Variants in IQGAP2 observed in about 807,000 individuals in gnomAD.
The protein encoded by IQGAP2 is ras GTPase-activating-like protein IQGAP2.
IQGAP2 carries 173 observed loss-of-function variants against 201.3 expected under a neutral mutation model. The observed-to-expected ratio is 0.86, with a 90% confidence interval of 0.76 to 0.98. The LOEUF (loss-of-function observed/expected upper bound fraction) is 0.98, where lower values mean the gene tolerates loss of function less well. Among genes scored for constraint, IQGAP2 ranks in the 50% least tolerant of loss-of-function variants. IQGAP2 has a pLI of 0.00. For missense variants in IQGAP2, 1,687 were observed against 1,864.8 expected, an observed-to-expected ratio of 0.90 and a Z score of 1.76; for synonymous variants, 675 against 673.9, an observed-to-expected ratio of 1.00 and a Z score of -0.03.
intron 2 of IQGAP2, among the ~76,000 whole-genome samples, chr5:76,473,600 C>T (rs1049269897): frequency 3.3e-5 from 5 of 152,164 alleles, no homozygotes; most frequent in Non-Finnish European, 5.9e-5. Flanking sequence ...CTTGGCCTCC[C>T]AAAGTGCTGG....
At chr5:76,497,017 A>T (rs759408155) in intron 2 of IQGAP2, among the ~76,000 whole-genome samples, 1 of 151,900 alleles carries the variant, frequency 6.6e-6, no homozygotes, top group Non-Finnish European at 1.5e-5. Flanking sequence ...TTTAGTAGAG[A>T]CAGGGTTTTA....
chr5:76,630,424 G>A (rs902626551), intron 14 of IQGAP2, among the ~76,000 whole-genome samples: 6 of 152,094 alleles, frequency 3.9e-5, no homozygotes, highest in African/African-American at 9.7e-5. Context: ...TGTCCTGTTA[G>A]GATTTTCTCT....
At position 76,695,351 on chromosome 5, in the gene IQGAP2, T is replaced by C. The variant is rs1746626565; in HGVS notation, c.3994-103T>C. On this transcript the variant is annotated intron_variant, in intron 31 of 35. Transcript: ENST00000274364. ...CTGGTTCTAGTCTCTGAACTTTGGC[T>C]GGAGGACTACTTTCATTTTGACATT... The C allele has an allele frequency of 5.4e-6, 5 of 922,336 alleles. No homozygotes were observed. The South Asian group carries it at 7.9e-5, about 15-fold the overall frequency. The allele number at this position is 922,336 out of a possible 1,614,324, so 57.1% of individuals were successfully genotyped here. A position where few individuals can be genotyped will look rare whatever the true frequency, so the allele number is the denominator to read the frequency against.
At chr5:76,683,064 C>G in intron 28 of IQGAP2, 51 bp from the exon 29 acceptor site, 1 of 1,067,300 alleles carries the variant, frequency 9.4e-7, no homozygotes, top group Admixed American at 2.1e-5. Flanking sequence ...AAATATGGTA[C>G]AGTTGAGAAT....
At chr5:76,646,604 A>C (rs1204366955) in intron 17 of IQGAP2, among the ~76,000 whole-genome samples, 3 of 152,200 alleles carry the variant, frequency 2.0e-5, no homozygotes, top group African/African-American at 4.8e-5. Context: ...TATCACCATA[A>C]GAGCTTAAGG....
At position 76,674,483 on chromosome 5, in the gene IQGAP2, G is replaced by A; in HGVS notation, c.3301G>A (p.Gly1101Arg). The change falls in exon 27 of 36, where the codon GGA becomes AGA. Residue 1101 changes from glycine (G) to arginine (R), a missense_variant. Gly to Arg is a moderately radical substitution (Grantham distance 125, BLOSUM62 -2). Transcript: ENST00000274364. ...CACTTCTGCGTCACTCCAGATTGTT[G>A]GAAACCTCCTGTACTATCGGTACAT... ...ATEDELLKIV[G>R]NLLYYRYMNP... 6.2e-7 allele frequency: 1 copy of A among 1,609,558 alleles called. No individual in the cohort carries two copies. The highest frequency in any genetic ancestry group is 8.5e-7 in the Non-Finnish European group (1 of 1,176,286).
At chr5:76,623,107 G>T in intron 13 of IQGAP2, 2 of 1,512,850 alleles carry the variant, frequency 1.3e-6, no homozygotes, top group South Asian at 1.1e-5. Flanking sequence ...AGGTTCAGTT[G>T]ACTCTTAATT....
At chr5:76,571,421 C>G (rs1745109456) in intron 4 of IQGAP2, among the ~76,000 whole-genome samples, 1 of 152,114 alleles carries the variant, frequency 6.6e-6, no homozygotes, top group South Asian at 2.1e-4. Flanking sequence ...TGAGCCCAAG[C>G]AATCTGTCCA....
intron 13 of IQGAP2, among the ~76,000 whole-genome samples, chr5:76,623,607 T>A (rs1049148632): frequency 1.3e-5 from 2 of 152,222 alleles, no homozygotes; most frequent in African/African-American, 4.8e-5. Flanking sequence ...CAAAAACAGA[T>A]GTTGAACAGC....
At position 76,582,783 on chromosome 5, in the gene IQGAP2, A is replaced by AACTACT. The variant is rs35811029; in HGVS notation, c.459-6106_459-6101dup. On this transcript the variant is annotated intron_variant, in intron 5 of 35. Transcript: ENST00000274364. ...GGAAAAATTTGGTTCAGTAGATAAC[A>AACTACT]ACTACTACTACTACTACTACTATAT... Among the ~76,000 whole-genome samples, 47 of 151,828 alleles carry AACTACT rather than the reference A, an allele frequency of 3.1e-4. No homozygotes were observed. The South Asian group carries it at 4.8e-3, about 15-fold the overall frequency.
chr5:76,606,082 A>T lies in IQGAP2; in HGVS notation c.1233-97A>T, dbSNP rs561245709. 32 of 1,096,100 alleles carry T rather than the reference A, an allele frequency of 2.9e-5. No homozygotes were observed. In the African/African-American group the frequency reaches 4.5e-4, roughly 15 times the overall value. 67.9% of individuals were successfully genotyped at this position (1,096,100 alleles called of 1,614,324 possible). A position where few individuals can be genotyped will look rare whatever the true frequency, so the allele number is the denominator to read the frequency against. On this transcript the variant is annotated intron_variant, in intron 11 of 35. Coordinates refer to ENST00000274364, the MANE Select transcript of IQGAP2 (RefSeq NM_006633.5). The stretch of plus-strand genomic sequence containing the variant: ...GCCTTTCTACTCTTTGTCTAACTTC[A>T]TAACAACTATGTTTGACCATGTGTC...
intron 1 of IQGAP2, among the ~76,000 whole-genome samples, chr5:76,445,601 A>C (rs1753340926): frequency 6.6e-6 from 1 of 151,202 alleles, no homozygotes; most frequent in Non-Finnish European, 1.5e-5. Context: ...AATAGCTGGG[A>C]TTACAGGTGC....
chr5:76,683,979 A>G, intron 30 of IQGAP2, 62 bp downstream of exon 30: 1 of 1,423,324 alleles, frequency 7.0e-7, no homozygotes, highest in Non-Finnish European at 9.6e-7. Flanking sequence ...TGCAAATTCA[A>G]ATGAGGCTAA....
chr5:76,570,870 G>C (rs1745067452), intron 4 of IQGAP2, among the ~76,000 whole-genome samples: 1 of 152,192 alleles, frequency 6.6e-6, no homozygotes, highest in African/African-American at 2.4e-5. Flanking sequence ...AGGTAAAATT[G>C]TGCACAAAAT....
At chr5:76,695,048 TGA>T (rs1173601249) in intron 31 of IQGAP2, among the ~76,000 whole-genome samples, 12 of 152,176 alleles carry the variant, frequency 7.9e-5, no homozygotes, top group Non-Finnish European at 1.6e-4. Context: ...GGCTGATGTG[TGA>T]GAGTTTAGCT....
intron 2 of IQGAP2, among the ~76,000 whole-genome samples, chr5:76,511,932 G>A (rs1280415204): frequency 4.6e-5 from 7 of 152,126 alleles, no homozygotes; most frequent in East Asian, 3.9e-4. Context: ...CGCCCGCCTC[G>A]GCCTCCCAAA....
chr5:76,702,571 AGGT>A lies in IQGAP2; in HGVS notation c.4597_4599del (p.Val1533del). On this transcript the variant is annotated inframe_deletion, in exon 35 of 36. Transcript: ENST00000274364. ...AAATTCCTTGGTGTTGAGATGGAAA[AGGT>A]GCAACTCAATATTCAGGTAAGCTGC... 1 of 1,559,592 alleles carries A rather than the reference AGGT, an allele frequency of 6.4e-7. No individual in the cohort carries two copies. The highest frequency in any genetic ancestry group is 8.8e-7 in the Non-Finnish European group (1 of 1,130,334).
At chr5:76,655,353 T>C (rs907320466) in intron 20 of IQGAP2, among the ~76,000 whole-genome samples, 6 of 152,244 alleles carry the variant, frequency 3.9e-5, no homozygotes, top group African/African-American at 1.2e-4. Flanking sequence ...TTAAATTGTT[T>C]AATTTGTTAG....
intron 27 of IQGAP2, among the ~76,000 whole-genome samples, chr5:76,675,827 G>GT (rs2150496112): frequency 6.6e-6 from 1 of 151,996 alleles, no homozygotes; most frequent in Admixed American, 6.5e-5. Flanking sequence ...ACTACAGAAA[G>GT]TGTTGATTTT....
Sources: allele counts gnomAD v4.1 joint callset (sites outside exome capture counted in the v4.1 genomes callset), GRCh38; gene constraint gnomAD v4.1.1; transcripts MANE v1.5; gene names NCBI Gene and HGNC (gene_info 2026-07-23, HGNC 2026-07-21).